CELF2: variants seen among roughly 807,000 people sequenced by gnomAD.
CELF2 encodes the protein CUGBP Elav-like family member 2, also known as CUG triplet repeat RNA-binding protein 2.
CELF2 carries 8 observed loss-of-function variants against 62.6 expected under a neutral mutation model. The observed-to-expected ratio is 0.13, with a 90% CI of 0.07 to 0.23. The LOEUF (loss-of-function observed/expected upper bound fraction) is 0.23, where lower values mean the gene tolerates loss of function less well. CELF2 is among the 10% of genes least tolerant of loss of function. CELF2 has a pLI of 1.00. For synonymous variants in CELF2, 258 were observed against 250.0 expected (o/e 1.03, Z -0.30); for missense variants, 333 against 671.0 (o/e 0.50, Z 5.56).
the CELF2 span, among the ~76,000 whole-genome samples, chr10:10,770,947 A>G: frequency 1.8e-4 from 28 of 152,102 alleles, no homozygotes; most frequent in Non-Finnish European, 3.8e-4. Context: ...GCTTCACCTT[A>G]TGAAATCCTG....
chr10:10,774,235 A>G, the CELF2 span, among the ~76,000 whole-genome samples: 131 of 152,320 alleles, frequency 8.6e-4, no homozygotes, highest in African/African-American at 3.1e-3. Flanking sequence ...GACTTCAAGG[A>G]GCCTTTGTGG....
chr10:11,143,005 T>TG (rs924579234), intron 1 of CELF2, among the ~76,000 whole-genome samples: 2 of 151,836 alleles, frequency 1.3e-5, no homozygotes, highest in Non-Finnish European at 2.9e-5. Flanking sequence ...CTCCCTCCAC[T>TG]GGGGGGACTC....
chr10:10,884,075 T>C (rs907991236), intron 1 of CELF2, among the ~76,000 whole-genome samples: 1 of 152,168 alleles, frequency 6.6e-6, no homozygotes, highest in African/African-American at 2.4e-5. Flanking sequence ...TTTAGGAATC[T>C]GCAAGGAACC....
At chr10:11,172,986 C>T (rs900106391) in intron 2 of CELF2, among the ~76,000 whole-genome samples, 2 of 152,182 alleles carry the variant, frequency 1.3e-5, no homozygotes, top group Non-Finnish European at 2.9e-5. Flanking sequence ...ATCCCTCCAG[C>T]ACGTATTGCA....
At chr10:10,935,155 T>C (rs2066491383) in intron 2 of CELF2, 1 of 152,244 alleles carries the variant, frequency 6.6e-6, no homozygotes, top group Admixed American at 6.5e-5. Flanking sequence ...CTTGTTCTCA[T>C]CTGGCCTTTC....
chr10:11,188,334 A>T (rs1372166416), intron 2 of CELF2, among the ~76,000 whole-genome samples: 1 of 152,130 alleles, frequency 6.6e-6, no homozygotes, highest in South Asian at 2.1e-4. Flanking sequence ...CGAACTCCCA[A>T]CCTCAGGTGA....
In CELF2 at chr10:11,315,624, C is replaced by T. The variant is rs542794657; in HGVS notation, c.1096+1366C>T. 5.3e-5 allele frequency among the ~76,000 whole-genome samples: 8 copies of T among 152,228 alleles called. No homozygotes were observed. Among genetic ancestry groups the T allele is most frequent in the South Asian group, 4.1e-4 (2 of 4,826 alleles). On this transcript the variant is annotated intron_variant, in intron 10 of 12. Coordinates refer to ENST00000633077, the MANE Select transcript of CELF2 (RefSeq NM_001326342.2). The surrounding 1 kb of genome is among the most constrained non-coding windows in gnomAD (Gnocchi z 5.8). ...TTTGGGGAAAAGCGAAAACGTGGAC[C>T]GAGCTTTAGCTGACCATACCTCCCA...
At chr10:10,561,977 A>G in the CELF2 span, among the ~76,000 whole-genome samples, 49 of 152,262 alleles carry the variant, frequency 3.2e-4, no homozygotes, top group African/African-American at 1.1e-3. Context: ...GAGTGATGCG[A>G]TACCAGGATT....
chr10:10,796,934 AG>A, upstream of CELF2: 2 of 976,532 alleles, frequency 2.0e-6, no homozygotes, highest in South Asian at 9.5e-5. Context: ...TTTAGTCTAG[AG>A]ACAGTTGCAC....
chr10:10,675,408 C>T, the CELF2 span, among the ~76,000 whole-genome samples: 1 of 151,852 alleles, frequency 6.6e-6, no homozygotes, highest in Non-Finnish European at 1.5e-5. Flanking sequence ...TCAGAATTTT[C>T]TTCTTTATCT....
intron 1 of CELF2, among the ~76,000 whole-genome samples, chr10:11,040,283 T>C (rs193106206): frequency 6.6e-6 from 1 of 152,248 alleles, no homozygotes; most frequent in Non-Finnish European, 1.5e-5. Flanking sequence ...ATATAGACAG[T>C]GTTTTGGAGA....
At chr10:10,778,451 T>C in the CELF2 span, among the ~76,000 whole-genome samples, 1 of 152,136 alleles carries the variant, frequency 6.6e-6, no homozygotes, top group African/African-American at 2.4e-5. Flanking sequence ...AATTATGACT[T>C]AACTGAGAAA....
chr10:10,474,198 T>C, the CELF2 span, among the ~76,000 whole-genome samples: 3 of 151,958 alleles, frequency 2.0e-5, no homozygotes, highest in Non-Finnish European at 4.4e-5. Context: ...ATCCCAGTTC[T>C]TAAGGAGGCA....
At chr10:11,077,483 A>G (rs1329195830) in intron 1 of CELF2, among the ~76,000 whole-genome samples, 2 of 152,198 alleles carry the variant, frequency 1.3e-5, no homozygotes, top group African/African-American at 2.4e-5. Flanking sequence ...ACCAGAAGTA[A>G]TGAGGTCAAT....
rs1349655918 is a variant in CELF2 at position 11,305,370 on chromosome 10, G to A, written c.977-8769G>A. 2.6e-5 allele frequency among the ~76,000 whole-genome samples: 4 copies of A among 152,160 alleles called. No homozygotes were observed. The highest frequency in any genetic ancestry group is 4.1e-4 in the South Asian group (2 of 4,830). ...CTCATGCCCACACCTGGGTGCCGGC[G>A]CCCATCCTGCATCCCTCACGGGTAC... is the stretch of plus-strand genomic sequence containing the variant. On this transcript the variant is annotated intron_variant, in intron 9 of 12. Coordinates refer to ENST00000633077, the MANE Select transcript of CELF2 (RefSeq NM_001326342.2). The surrounding 1 kb of genome is among the most constrained non-coding windows in gnomAD (Gnocchi z 4.8).
chr10:10,918,582 A>G (rs2064561352), intron 1 of CELF2, among the ~76,000 whole-genome samples: 1 of 152,192 alleles, frequency 6.6e-6, no homozygotes. Flanking sequence ...GAGTTCTAAT[A>G]GCTGGGAGGG....
At chr10:10,896,814 T>G (rs1056197081) in intron 1 of CELF2, among the ~76,000 whole-genome samples, 4 of 152,192 alleles carry the variant, frequency 2.6e-5, no homozygotes, top group African/African-American at 9.7e-5. Flanking sequence ...GCACCTTGTT[T>G]CTGGTACAGA....
chr10:10,463,794 C>T, the CELF2 span, among the ~76,000 whole-genome samples: 1 of 152,094 alleles, frequency 6.6e-6, no homozygotes, highest in Non-Finnish European at 1.5e-5. Context: ...ACGTGTGAAA[C>T]AGCAAGGAAT....
At chr10:10,963,856 A>T (rs1045222972) in intron 2 of CELF2, among the ~76,000 whole-genome samples, 2 of 152,268 alleles carry the variant, frequency 1.3e-5, no homozygotes. Flanking sequence ...TTCTCAGCCC[A>T]TTCCCATTCT....
Sources: allele counts gnomAD v4.1 joint callset (sites outside exome capture counted in the v4.1 genomes callset), GRCh38; gene constraint gnomAD v4.1.1; non-coding constraint Gnocchi (gnomAD v3.1); transcripts MANE v1.5; gene names NCBI Gene and HGNC (gene_info 2026-07-23, HGNC 2026-07-21).